OLA1: variants seen among roughly 807,000 people sequenced by gnomAD.
OLA1 encodes the protein obg-like ATPase 1.
In OLA1, 14 loss-of-function variants were observed where a neutral mutation model predicts 48.4. The observed-to-expected ratio is 0.29, with a 90% CI of 0.19 to 0.45. The LOEUF is 0.45. Ranked by LOEUF, OLA1 falls within the 20% of genes least tolerant of loss-of-function variation. OLA1 has a pLI of 1.00. For synonymous variants in OLA1, 127 were observed against 150.4 expected (o/e 0.84, Z 1.14); for missense variants, 325 against 467.1 (o/e 0.70, Z 2.80).
intron 2 of OLA1, 88 bp from the exon 3 acceptor site, chr2:174,229,539 T>A: frequency 1.1e-6 from 1 of 934,470 alleles, no homozygotes; most frequent in Non-Finnish European, 1.6e-6. Context: ...TCAAATAAGA[T>A]CCATGAGGAA....
intron 10 of OLA1, among the ~76,000 whole-genome samples, chr2:174,077,640 A>G (rs996115898): frequency 6.6e-5 from 10 of 152,020 alleles, no homozygotes; most frequent in Non-Finnish European, 1.5e-5. Context: ...ATTTTATTGG[A>G]TATTATAAAG....
intron 5 of OLA1, among the ~76,000 whole-genome samples, chr2:174,126,130 T>G (rs1344394052): frequency 1.3e-5 from 2 of 152,118 alleles, no homozygotes; most frequent in Non-Finnish European, 2.9e-5. Flanking sequence ...AAGTAAAAAT[T>G]CTAATTTTAG....
chr2:174,160,773 T>C (rs1686991231), intron 4 of OLA1, among the ~76,000 whole-genome samples: 1 of 152,176 alleles, frequency 6.6e-6, no homozygotes, highest in Non-Finnish European at 1.5e-5. Context: ...TCTGCTTTTC[T>C]TATGCATAGA....
chr2:174,169,392 A>T (rs1301648529), intron 4 of OLA1, among the ~76,000 whole-genome samples: 1 of 152,258 alleles, frequency 6.6e-6, no homozygotes, highest in African/African-American at 2.4e-5. Flanking sequence ...ACAATAGCAG[A>T]GGTATGACAC....
intron 4 of OLA1, among the ~76,000 whole-genome samples, chr2:174,145,482 T>C (rs903225438): frequency 1.3e-5 from 2 of 152,148 alleles, no homozygotes; most frequent in African/African-American, 4.8e-5. Context: ...TACATTACAC[T>C]GCAACGCTCG....
chr2:174,144,872 G>A (rs113503069), intron 4 of OLA1, among the ~76,000 whole-genome samples: 13,944 of 142,668 alleles, frequency 0.098, 994 homozygotes, highest in African/African-American at 0.19. Flanking sequence ...GCTTGAACCC[G>A]GGAGGTTGAG....
At chr2:174,129,611 A>G (rs979184279) in intron 5 of OLA1, among the ~76,000 whole-genome samples, 5 of 151,940 alleles carry the variant, frequency 3.3e-5, no homozygotes, top group African/African-American at 4.8e-5. Context: ...AACACACTAA[A>G]TAATTAGCAA....
intron 4 of OLA1, among the ~76,000 whole-genome samples, chr2:174,182,448 C>T (rs530756995): frequency 6.6e-6 from 1 of 152,154 alleles, no homozygotes; most frequent in Non-Finnish European, 1.5e-5. Context: ...ATCGCTTGAA[C>T]CCAGGAGGTG....
chr2:174,147,552 G>T (rs1686638763), intron 4 of OLA1, among the ~76,000 whole-genome samples: 1 of 152,096 alleles, frequency 6.6e-6, no homozygotes, highest in Non-Finnish European at 1.5e-5. Context: ...CATACTTGAG[G>T]TTCAGTAATT....
At chr2:174,152,986 A>G (rs2119137) in intron 4 of OLA1, among the ~76,000 whole-genome samples, 46,615 of 152,040 alleles carry the variant, frequency 0.31, 7,360 homozygotes, top group Middle Eastern at 0.35. Context: ...CTCCTCTCTC[A>G]TTACAGGAAA....
chr2:174,142,349 A>G (rs1686474263), intron 4 of OLA1, among the ~76,000 whole-genome samples: 1 of 152,222 alleles, frequency 6.6e-6, no homozygotes, highest in Non-Finnish European at 1.5e-5. Context: ...CTGCACTATT[A>G]GGGTTTCCAA....
chr2:174,106,654 T>C (rs557163671), intron 7 of OLA1, among the ~76,000 whole-genome samples: 1 of 152,278 alleles, frequency 6.6e-6, no homozygotes, highest in East Asian at 1.9e-4. Context: ...TGGAGCCTAG[T>C]AGATTACATA....
chr2:174,170,622 C>A (rs1180024751), intron 4 of OLA1, among the ~76,000 whole-genome samples: 1 of 152,160 alleles, frequency 6.6e-6, no homozygotes, highest in Non-Finnish European at 1.5e-5. Flanking sequence ...ACATGGCAAG[C>A]CCAGTGGCTC....
At chr2:174,099,434 G>GT (rs1685339447) in intron 7 of OLA1, among the ~76,000 whole-genome samples, 1 of 152,172 alleles carries the variant, frequency 6.6e-6, no homozygotes, top group South Asian at 2.1e-4. Flanking sequence ...GGTTACAGGC[G>GT]TGAGCCACTG....
chr2:174,185,079 C>T (rs890104430), intron 4 of OLA1, among the ~76,000 whole-genome samples: 2 of 152,138 alleles, frequency 1.3e-5, no homozygotes, highest in African/African-American at 4.8e-5. Flanking sequence ...GATCCCCGTT[C>T]CTTGTAGTCA....
chr2:174,086,801 T>C (rs1684987287), intron 7 of OLA1, among the ~76,000 whole-genome samples: 1 of 152,130 alleles, frequency 6.6e-6, no homozygotes, highest in Non-Finnish European at 1.5e-5. Context: ...CACTTAGAAA[T>C]TGTTTATTTT....
At chr2:174,089,870 C>G (rs1046885615) in intron 7 of OLA1, among the ~76,000 whole-genome samples, 4 of 145,572 alleles carry the variant, frequency 2.7e-5, no homozygotes. Context: ...CTACCGCACT[C>G]TAGCCTTTGC....
intron 7 of OLA1, among the ~76,000 whole-genome samples, chr2:174,090,572 G>A (rs1014951603): frequency 6.6e-6 from 1 of 152,118 alleles, no homozygotes; most frequent in African/African-American, 2.4e-5. Context: ...AGAACCAAAA[G>A]GCTCCTCTGG....
chr2:174,081,638 T>TC (rs980700962), intron 8 of OLA1, among the ~76,000 whole-genome samples: 13 of 152,014 alleles, frequency 8.6e-5, no homozygotes, highest in African/African-American at 3.1e-4. Context: ...CCCTTTCCCC[T>TC]CCCCCACTGA....
Sources: gnomAD v4.1 joint callset for allele counts (sites outside exome capture counted in the v4.1 genomes callset) on GRCh38, gnomAD v4.1.1 for gene constraint, MANE v1.5 for transcripts, NCBI Gene and HGNC (gene_info 2026-07-23, HGNC 2026-07-21) for gene names.